ATXN7: variants seen among roughly 807,000 people sequenced by gnomAD.
ATXN7 encodes ataxin 7, also known as ataxin-7.
ATXN7 carries 12 observed loss-of-function variants against 70.5 expected under a neutral mutation model. The observed-to-expected ratio is 0.17, with a 90% CI of 0.11 to 0.28. ATXN7 has a LOEUF of 0.28. ATXN7 is among the 10% of genes least tolerant of loss of function. The pLI is 1.00. For missense variants in ATXN7, 1,256 were observed against 1,131.7 expected (o/e 1.11, Z -1.58); for synonymous variants, 498 against 448.7 (o/e 1.11, Z -1.39).
chr3:63,963,012 C>T (rs1404375269), intron 5 of ATXN7, among the ~76,000 whole-genome samples: 1 of 151,126 alleles, frequency 6.6e-6, no homozygotes, highest in Non-Finnish European at 1.5e-5. Context: ...ACCTCCCGGG[C>T]TCAAGCAATC....
intron 1 of ATXN7, among the ~76,000 whole-genome samples, chr3:63,870,487 C>A (rs1012594449): frequency 2.0e-5 from 3 of 152,208 alleles, no homozygotes; most frequent in Non-Finnish European, 4.4e-5. Context: ...AATGCCTCAT[C>A]TCTTTGGATA....
intron 5 of ATXN7, among the ~76,000 whole-genome samples, chr3:63,975,093 T>C (rs533776295): frequency 1.3e-5 from 2 of 152,166 alleles, no homozygotes; most frequent in Non-Finnish European, 2.9e-5. Context: ...AAATGCAAAA[T>C]TTCAACATGT....
At chr3:63,924,159 A>G (rs1704614519) in intron 4 of ATXN7, among the ~76,000 whole-genome samples, 1 of 152,170 alleles carries the variant, frequency 6.6e-6, no homozygotes, top group African/African-American at 2.4e-5. Context: ...GATGTGGATG[A>G]GGGAGAAATA....
chr3:63,884,382 A>G (rs2107230088), intron 1 of ATXN7, among the ~76,000 whole-genome samples: 1 of 152,270 alleles, frequency 6.6e-6, no homozygotes, highest in African/African-American at 2.4e-5. Context: ...AAAACATAGT[A>G]TTAGATTGTA....
At chr3:63,984,589 C>T (rs184397679) in intron 8 of ATXN7, among the ~76,000 whole-genome samples, 1 of 152,322 alleles carries the variant, frequency 6.6e-6, no homozygotes, top group African/African-American at 2.4e-5. Context: ...AATACAGTAC[C>T]TGTGGGCAAT....
chr3:63,913,180 AAGG>A lies in ATXN7; in HGVS notation c.352_354del (p.Glu118del). ...AGGGACAGAATTGGACGAAAGTTTC[AAGG>A]AGTTTGGGAAAAACCGCGAAGTCAT... On this transcript the variant is annotated inframe_deletion, in exon 4 of 13. Coordinates refer to ENST00000674280, the MANE Select transcript of ATXN7 (RefSeq NM_001377405.1). 1 of 1,613,770 alleles carries A rather than the reference AAGG, an allele frequency of 6.2e-7. No homozygotes were observed. The highest frequency in any genetic ancestry group is 8.5e-7 in the Non-Finnish European group (1 of 1,179,904).
chr3:63,962,209 T>A (rs1371041575), intron 5 of ATXN7, among the ~76,000 whole-genome samples: 1 of 152,156 alleles, frequency 6.6e-6, no homozygotes, highest in Non-Finnish European at 1.5e-5. Context: ...ATTTTATACC[T>A]TTTCATCTTG....
chr3:63,968,744 G>C (rs747364076), intron 5 of ATXN7, among the ~76,000 whole-genome samples: 31 of 152,200 alleles, frequency 2.0e-4, no homozygotes, highest in Admixed American at 2.0e-3. Flanking sequence ...GGGTGGATGT[G>C]TGGAGGCTGG....
At chr3:63,900,698 T>G (rs1215164832) in intron 2 of ATXN7, 2 of 152,398 alleles carry the variant, frequency 1.3e-5, no homozygotes, top group Non-Finnish European at 2.9e-5. Flanking sequence ...GAGTTTCTAC[T>G]GTGTGCATGG....
At chr3:63,899,095 C>T (rs889790272) in intron 2 of ATXN7, among the ~76,000 whole-genome samples, 4 of 150,556 alleles carry the variant, frequency 2.7e-5, no homozygotes, top group Non-Finnish European at 5.9e-5. Context: ...CAGAGTCTCA[C>T]TCTGTTACCC....
intron 2 of ATXN7, chr3:63,911,616 G>C (rs1704015335): frequency 6.6e-6 from 1 of 152,066 alleles, no homozygotes; most frequent in South Asian, 2.1e-4. Context: ...AGCTTCTCTC[G>C]GTTTGTTTCA....
chr3:63,942,542 T>G (rs2074788652), intron 4 of ATXN7, among the ~76,000 whole-genome samples: 1 of 152,188 alleles, frequency 6.6e-6, no homozygotes, highest in African/African-American at 2.4e-5. Flanking sequence ...GAATAGTGCC[T>G]AGCCAGAGTA....
intron 1 of ATXN7, among the ~76,000 whole-genome samples, chr3:63,865,894 CAAAAAAAA>C (rs34205947): frequency 5.4e-4 from 9 of 16,560 alleles, no homozygotes; most frequent in South Asian, 5.2e-3. Context: ...GACTCCATCT[CAAAAAAAA>C]AAAAAAAAAA....
At chr3:63,938,271 G>C (rs751218924) in intron 4 of ATXN7, among the ~76,000 whole-genome samples, 10 of 152,276 alleles carry the variant, frequency 6.6e-5, no homozygotes, top group Non-Finnish European at 1.3e-4. Context: ...TCTTGTGGAA[G>C]TATTGCCATT....
intron 4 of ATXN7, among the ~76,000 whole-genome samples, chr3:63,914,249 AT>A (rs1419608484): frequency 2.6e-5 from 4 of 152,112 alleles, no homozygotes; most frequent in African/African-American, 9.7e-5. Context: ...CTGTCTTCAC[AT>A]TTCCTTCTCG....
chr3:63,948,140 G>C (rs559788364), intron 4 of ATXN7, among the ~76,000 whole-genome samples: 1 of 152,292 alleles, frequency 6.6e-6, no homozygotes, highest in Non-Finnish European at 1.5e-5. Context: ...CATTGAAAGG[G>C]TGCTGGTGGC....
chr3:63,979,320 A>T (rs77638335), intron 5 of ATXN7, among the ~76,000 whole-genome samples: 3,731 of 152,286 alleles, frequency 0.025, 86 homozygotes, highest in African/African-American at 0.062. Flanking sequence ...TTATTAAAAA[A>T]GGGGGGGTGG....
chr3:63,883,955 C>A (rs992415309), intron 1 of ATXN7, among the ~76,000 whole-genome samples: 1 of 152,022 alleles, frequency 6.6e-6, no homozygotes, highest in Non-Finnish European at 1.5e-5. Flanking sequence ...TGATTGATTA[C>A]CAAGCATCCT....
At chr3:63,979,160 T>C (rs1017508653) in intron 5 of ATXN7, among the ~76,000 whole-genome samples, 13 of 152,262 alleles carry the variant, frequency 8.5e-5, no homozygotes, top group African/African-American at 3.1e-4. Flanking sequence ...TGGATAGATT[T>C]ATTTTCAGCT....
Sources: gnomAD v4.1 joint callset for allele counts (sites outside exome capture counted in the v4.1 genomes callset) on GRCh38, gnomAD v4.1.1 for gene constraint, MANE v1.5 for transcripts, NCBI Gene and HGNC (gene_info 2026-07-23, HGNC 2026-07-21) for gene names.